The following TXNRD1 variants were observed in gnomAD, a reference collection of about 807,000 sequenced individuals.
The protein encoded by TXNRD1 is thioredoxin reductase 1.
A neutral mutation model predicts 80.3 loss-of-function variants in TXNRD1; 57 were observed. The observed-to-expected ratio is 0.71, with a 90% CI of 0.57 to 0.89. TXNRD1 has a LOEUF of 0.89. Among genes scored for constraint, TXNRD1 ranks in the 40% least tolerant of loss-of-function variants. TXNRD1 has a pLI of 0.00. For synonymous variants in TXNRD1, 291 were observed against 285.2 expected, an observed-to-expected ratio of 1.02 and a Z score of -0.20; for missense variants, 730 against 803.0, an observed-to-expected ratio of 0.91 and a Z score of 1.10.
intron 4 of TXNRD1, among the ~76,000 whole-genome samples, chr12:104,290,733 A>ATG (rs2034164878): frequency 9.9e-6 from 1 of 101,314 alleles, no homozygotes; most frequent in Non-Finnish European, 1.9e-5. Flanking sequence ...ATATATATAT[A>ATG]TATATATATA....
intron 3 of TXNRD1, among the ~76,000 whole-genome samples, chr12:104,272,800 AAAAG>A (rs1232060837): frequency 6.6e-6 from 1 of 151,722 alleles, no homozygotes; most frequent in Non-Finnish European, 1.5e-5. Flanking sequence ...TAAAAAAAAA[AAAAG>A]AAAAGAAAAA....
chr12:104,296,328 C>G (rs2034434163), intron 4 of TXNRD1, among the ~76,000 whole-genome samples: 1 of 152,142 alleles, frequency 6.6e-6, no homozygotes, highest in African/African-American at 2.4e-5. Context: ...CTTCATTCTT[C>G]TGTGCCTACT....
chr12:104,304,028 G>C (rs1176463115), intron 4 of TXNRD1: 3 of 1,612,710 alleles, frequency 1.9e-6, no homozygotes, highest in Non-Finnish European at 2.5e-6. Flanking sequence ...GGAGCTCACC[G>C]CTGACGAGGA....
At chr12:104,239,114 A>G (rs550270134) in intron 1 of TXNRD1, among the ~76,000 whole-genome samples, 5 of 151,884 alleles carry the variant, frequency 3.3e-5, no homozygotes, top group African/African-American at 1.2e-4. Context: ...GAGTGTGAAA[A>G]ATTGCTGATA....
At chr12:104,220,026 T>C (rs1358590110) in intron 1 of TXNRD1, among the ~76,000 whole-genome samples, 2 of 152,230 alleles carry the variant, frequency 1.3e-5, no homozygotes, top group Non-Finnish European at 2.9e-5. Context: ...CAAGTGATTC[T>C]ATTTGAACCA....
chr12:104,336,484 C>T (rs2036145103), intron 15 of TXNRD1, among the ~76,000 whole-genome samples: 1 of 152,152 alleles, frequency 6.6e-6, no homozygotes, highest in Non-Finnish European at 1.5e-5. Context: ...AGTCACTTGA[C>T]TTCAGTGTCT....
rs529930342 is a variant in TXNRD1 at position 104,339,596 on chromosome 12, A to G, written c.1881+323A>G. 5.9e-5 allele frequency among the ~76,000 whole-genome samples: 9 copies of G among 152,316 alleles called. No homozygotes were observed. The East Asian group carries it at 1.7e-3, about 29-fold the overall frequency. On this transcript the variant is annotated intron_variant, in intron 16 of 16. Coordinates refer to ENST00000525566, the MANE Select transcript of TXNRD1 (RefSeq NM_001093771.3). ...GAAGAGCTTCAATCTTAGTTATTCC[A>G]CAGCTATCTTGAGGCTAATTGATAC...
intron 2 of TXNRD1, among the ~76,000 whole-genome samples, chr12:104,255,782 A>C (rs1243274153): frequency 1.3e-5 from 2 of 152,162 alleles, no homozygotes; most frequent in Admixed American, 1.3e-4. Context: ...AACAAAAGTG[A>C]AACTGTCTCA....
chr12:104,265,727 C>G (rs1032389569), intron 3 of TXNRD1: 39 of 1,598,576 alleles, frequency 2.4e-5, no homozygotes, highest in Non-Finnish European at 2.3e-5. Context: ...TGCCGCCGGC[C>G]GGCTGTCAAG....
At chr12:104,240,405 G>A (rs972847943) in intron 1 of TXNRD1, among the ~76,000 whole-genome samples, 4 of 152,116 alleles carry the variant, frequency 2.6e-5, no homozygotes, top group African/African-American at 9.7e-5. Flanking sequence ...CCTGTTGTTG[G>A]TCACATTGAC....
intron 3 of TXNRD1, among the ~76,000 whole-genome samples, chr12:104,282,537 G>T (rs920322269): frequency 6.6e-6 from 1 of 152,110 alleles, no homozygotes; most frequent in African/African-American, 2.4e-5. Context: ...CTCTGCTCAA[G>T]CATCACATTC....
intron 1 of TXNRD1, among the ~76,000 whole-genome samples, chr12:104,235,889 C>G (rs969806173): frequency 6.6e-6 from 1 of 152,124 alleles, no homozygotes; most frequent in Admixed American, 6.6e-5. Context: ...TGGTGGCTGT[C>G]TTCTTGTGCT....
At chr12:104,331,681 C>CT in intron 14 of TXNRD1, 40 bp downstream of exon 14, 39 of 1,318,284 alleles carry the variant, frequency 3.0e-5, no homozygotes, top group South Asian at 3.9e-5. Context: ...TATATCACTA[C>CT]TTTTTTTTCT....
At chr12:104,299,634 A>G (rs1329267898) in intron 4 of TXNRD1, among the ~76,000 whole-genome samples, 1 of 151,208 alleles carries the variant, frequency 6.6e-6, no homozygotes, top group Non-Finnish European at 1.5e-5. Context: ...AGGCGTGGTG[A>G]CTCGTGCCTG....
chr12:104,303,427 A>C (rs1009581348), intron 4 of TXNRD1, among the ~76,000 whole-genome samples: 3 of 152,252 alleles, frequency 2.0e-5, no homozygotes, highest in Non-Finnish European at 4.4e-5. Flanking sequence ...ACCTCACTGC[A>C]GTATATGATG....
chr12:104,309,701 A>T, intron 4 of TXNRD1: 1 of 1,320,194 alleles, frequency 7.6e-7, no homozygotes. Flanking sequence ...AGTTACTTGA[A>T]GCATAATTGA....
intron 4 of TXNRD1, among the ~76,000 whole-genome samples, chr12:104,303,060 C>CT (rs1490839394): frequency 6.6e-6 from 1 of 152,142 alleles, no homozygotes; most frequent in South Asian, 2.1e-4. Flanking sequence ...GTAAATAGCT[C>CT]TTTTGCAGAG....
chr12:104,334,164 CT>C (rs1292160288), intron 14 of TXNRD1, 72 bp from the exon 15 acceptor site: 2 of 632,042 alleles, frequency 3.2e-6, no homozygotes, highest in Non-Finnish European at 5.1e-6. Flanking sequence ...TCTCTACTGT[CT>C]TTCACCATAT....
intron 4 of TXNRD1, chr12:104,309,991 C>CG: frequency 6.5e-7 from 1 of 1,536,246 alleles, no homozygotes; most frequent in East Asian, 2.4e-5. Flanking sequence ...ATTGCTCCAC[C>CG]GCACCCCCTT....
Sources: gnomAD v4.1 joint callset for allele counts (sites outside exome capture counted in the v4.1 genomes callset) on GRCh38, gnomAD v4.1.1 for gene constraint, MANE v1.5 for transcripts, NCBI Gene and HGNC (gene_info 2026-07-23, HGNC 2026-07-21) for gene names.